The following ELAPOR2 variants were observed in gnomAD, a reference collection of about 807,000 sequenced individuals.
ELAPOR2 encodes the protein endosome-lysosome associated apoptosis and autophagy regulator family member 2.
A neutral mutation model predicts 120.7 loss-of-function variants in ELAPOR2; 89 were observed. The observed-to-expected ratio is 0.74, with a 90% confidence interval of 0.62 to 0.88. The LOEUF is 0.88. Ranked by LOEUF, ELAPOR2 falls within the 40% of genes least tolerant of loss-of-function variation. The probability of loss-of-function intolerance (pLI) is 0.00; values close to 1 mark genes in which losing one functional copy is unlikely to be tolerated. For synonymous variants in ELAPOR2, 444 were observed against 444.9 expected (o/e 1.00, Z 0.03); for missense variants, 1,134 against 1,251.6 (o/e 0.91, Z 1.42).
At chr7:87,006,829 G>A (rs767118730) in intron 1 of ELAPOR2, among the ~76,000 whole-genome samples, 3 of 152,084 alleles carry the variant, frequency 2.0e-5, no homozygotes, top group Non-Finnish European at 2.9e-5. Context: ...AGAAAAATAG[G>A]TAAATTGTGG....
At chr7:86,906,324 C>G (rs945925526) in intron 18 of ELAPOR2, among the ~76,000 whole-genome samples, 1 of 152,030 alleles carries the variant, frequency 6.6e-6, no homozygotes. Context: ...CCACAGGATG[C>G]CCTTTTATTA....
intron 1 of ELAPOR2, among the ~76,000 whole-genome samples, chr7:86,981,483 C>T (rs528370979): frequency 3.5e-4 from 53 of 152,298 alleles, no homozygotes; most frequent in Non-Finnish European, 5.3e-4. Flanking sequence ...CTAACTACCT[C>T]CCAGCTATTC....
chr7:86,907,155 T>G (rs938451837), intron 18 of ELAPOR2, among the ~76,000 whole-genome samples: 16 of 152,118 alleles, frequency 1.1e-4, no homozygotes, highest in African/African-American at 3.6e-4. Flanking sequence ...TAAGTCAGAC[T>G]TACCTTGGTG....
chr7:86,922,675 G>A (rs1400068043), intron 10 of ELAPOR2, among the ~76,000 whole-genome samples: 1 of 151,786 alleles, frequency 6.6e-6, no homozygotes, highest in Non-Finnish European at 1.5e-5. Flanking sequence ...AATATAATTT[G>A]CATAATTCAC....
At chr7:86,932,574 C>G (rs1273647419) in intron 8 of ELAPOR2, among the ~76,000 whole-genome samples, 1 of 151,948 alleles carries the variant, frequency 6.6e-6, no homozygotes, top group Admixed American at 6.6e-5. Context: ...TTTCTGTTTA[C>G]TAGCTCCCAA....
At chr7:86,926,613 G>T in intron 9 of ELAPOR2, 123 bp downstream of exon 9, 3 of 921,380 alleles carry the variant, frequency 3.3e-6, no homozygotes, top group Non-Finnish European at 4.7e-6. Context: ...TGCAATTTTT[G>T]TCTACTAAAA....
chr7:87,018,320 C>T (rs970988777), intron 1 of ELAPOR2, among the ~76,000 whole-genome samples: 3 of 151,936 alleles, frequency 2.0e-5, no homozygotes, highest in African/African-American at 7.2e-5. Context: ...ATTACAGGCG[C>T]GAGCCACCAC....
chr7:87,041,828 A>C (rs572525583), intron 1 of ELAPOR2, among the ~76,000 whole-genome samples: 1 of 152,052 alleles, frequency 6.6e-6, no homozygotes, highest in South Asian at 2.1e-4. Flanking sequence ...AACTGGATAA[A>C]GAGTCAAGAC....
chr7:86,958,617 A>G (rs1791572994), intron 2 of ELAPOR2, among the ~76,000 whole-genome samples: 1 of 152,154 alleles, frequency 6.6e-6, no homozygotes, highest in African/African-American at 2.4e-5. Flanking sequence ...CAGATCTCAC[A>G]GAGCACCCAG....
At chr7:86,998,851 G>GTTTT (rs397942440) in intron 1 of ELAPOR2, among the ~76,000 whole-genome samples, 5 of 146,492 alleles carry the variant, frequency 3.4e-5, no homozygotes, top group African/African-American at 7.4e-5. Context: ...ATAGTTCCTT[G>GTTTT]TTTTTTTTTT....
chr7:86,904,040 G>GA (rs1315199794), intron 18 of ELAPOR2, among the ~76,000 whole-genome samples: 8 of 152,106 alleles, frequency 5.3e-5, no homozygotes, highest in East Asian at 3.9e-4. Flanking sequence ...ATTATGGCAT[G>GA]AAAAAACCAC....
intron 1 of ELAPOR2, among the ~76,000 whole-genome samples, chr7:87,055,580 G>T (rs1262592477): frequency 1.3e-5 from 2 of 151,918 alleles, no homozygotes; most frequent in African/African-American, 4.8e-5. Context: ...CCCCAAACTA[G>T]CCTACACTCA....
chr7:86,929,167 G>T (rs910253719), intron 8 of ELAPOR2, among the ~76,000 whole-genome samples: 1 of 151,830 alleles, frequency 6.6e-6, no homozygotes, highest in Non-Finnish European at 1.5e-5. Flanking sequence ...ACACACAGAG[G>T]TATCAACTGA....
At chr7:87,018,213 G>A (rs1793930283) in intron 1 of ELAPOR2, among the ~76,000 whole-genome samples, 1 of 151,868 alleles carries the variant, frequency 6.6e-6, no homozygotes, top group Non-Finnish European at 1.5e-5. Flanking sequence ...GCTAATTTTT[G>A]TATTTTTAGT....
chr7:86,900,792 C>T (rs10236910), intron 18 of ELAPOR2, among the ~76,000 whole-genome samples: 2 of 151,742 alleles, frequency 1.3e-5, no homozygotes, highest in Non-Finnish European at 2.9e-5. Flanking sequence ...GATGTATGAA[C>T]CAATAATAAT....
At chr7:87,002,910 A>G (rs73198553) in intron 1 of ELAPOR2, among the ~76,000 whole-genome samples, 1,772 of 152,258 alleles carry the variant, frequency 0.012, 33 homozygotes, top group Non-Finnish European at 0.016. Context: ...AAAACCTCCC[A>G]TGCTACATCC....
intron 1 of ELAPOR2, among the ~76,000 whole-genome samples, chr7:87,046,606 A>C (rs1465169491): frequency 6.6e-6 from 1 of 152,122 alleles, no homozygotes; most frequent in Non-Finnish European, 1.5e-5. Flanking sequence ...AGGTGATTTG[A>C]TCTTCAGAGC....
chr7:87,025,019 T>C (rs1584009491), intron 1 of ELAPOR2, among the ~76,000 whole-genome samples: 4 of 150,102 alleles, frequency 2.7e-5, no homozygotes. Flanking sequence ...CTGTCATGGA[T>C]GTAATTTATA....
At chr7:86,907,921 A>G (rs1282036157) in intron 17 of ELAPOR2, 150 bp from the exon 18 acceptor site, 1 of 467,844 alleles carries the variant, frequency 2.1e-6, no homozygotes, top group Non-Finnish European at 3.7e-6. Flanking sequence ...ATACAAATTC[A>G]GCTCATTTAC....
Sources: gnomAD v4.1 joint callset for allele counts (sites outside exome capture counted in the v4.1 genomes callset) on GRCh38, gnomAD v4.1.1 for gene constraint, MANE v1.5 for transcripts, NCBI Gene and HGNC (gene_info 2026-07-23, HGNC 2026-07-21) for gene names.